TMEM94: variants seen among roughly 807,000 people sequenced by gnomAD.
TMEM94 encodes the protein ER Mg2+ ATPase.
Under a neutral mutation model 158.6 loss-of-function variants are expected in TMEM94, and 81 were observed. The ratio of observed to expected loss-of-function variants is 0.51; its 90% CI spans 0.43 to 0.61. The LOEUF (loss-of-function observed/expected upper bound fraction) is 0.61, where lower values mean the gene tolerates loss of function less well. Among genes scored for constraint, TMEM94 ranks in the 20% least tolerant of loss-of-function variants. TMEM94 has a pLI of 0.00. For synonymous variants in TMEM94, 751 were observed against 730.7 expected, an observed-to-expected ratio of 1.03 and a Z score of -0.45; for missense variants, 1,435 against 1,762.0, an observed-to-expected ratio of 0.81 and a Z score of 3.32.
chr17:75,479,193 C>G (rs886873560), intron 2 of TMEM94, among the ~76,000 whole-genome samples: 1 of 152,140 alleles, frequency 6.6e-6, no homozygotes, highest in African/African-American at 2.4e-5. Context: ...GCAGGCCAGG[C>G]ACGGTGGTTC....
At chr17:75,478,091 C>T (rs1476601075) in intron 2 of TMEM94, among the ~76,000 whole-genome samples, 1 of 118,860 alleles carries the variant, frequency 8.4e-6, no homozygotes, top group African/African-American at 3.2e-5. Context: ...TCTCGGCTCA[C>T]TGCAAGCTCC....
Position 75,488,741 on chromosome 17 carries a change from C to T in TMEM94, c.613-18C>T, listed in dbSNP as rs763840381. 3.7e-6 allele frequency: 6 copies of T among 1,613,648 alleles called. No individual in the cohort carries two copies. Among genetic ancestry groups the T allele is most frequent in the Non-Finnish European group, 1.7e-6 (2 of 1,179,782 alleles). ...GATAGGACCCTCTCGTTCCCACTCT[C>T]CCACTTGCTGCCGGCAGGATGACGA... On this transcript the variant is annotated intron_variant, in intron 6 of 31. Transcript: ENST00000314256.
chr17:75,490,959 G>A lies in TMEM94; in HGVS notation c.1129-90G>A, dbSNP rs941013568. The stretch of plus-strand genomic sequence containing the variant: ...AAGTGCCTCTCCACCCCAACTTCGT[G>A]GTGCTCCCCTGGATTTTCCCCTAGA... On this transcript the variant is annotated intron_variant, in intron 11 of 31. Transcript: ENST00000314256. 8.9e-6 allele frequency: 10 copies of A among 1,123,838 alleles called. 1 individual carries two copies. In the Admixed American group the frequency reaches 1.1e-4, roughly 12 times the overall value. 69.6% of individuals were successfully genotyped at this position (1,123,838 alleles called of 1,614,324 possible).
intron 16 of TMEM94, 118 bp downstream of exon 16, chr17:75,493,220 C>T (rs2052375993): frequency 1.8e-6 from 2 of 1,128,888 alleles, no homozygotes; most frequent in Non-Finnish European, 2.5e-6. Context: ...TAGACTGCTT[C>T]CAAGTGTTCC....
chr17:75,494,118 G>C (rs1166081488), intron 18 of TMEM94, among the ~76,000 whole-genome samples: 1 of 152,214 alleles, frequency 6.6e-6, no homozygotes, highest in Non-Finnish European at 1.5e-5. Flanking sequence ...ATCAGTGGGT[G>C]CTCACTTGGC....
At chr17:75,496,931 T>C in intron 25 of TMEM94, 124 bp downstream of exon 25, 1 of 1,144,480 alleles carries the variant, frequency 8.7e-7, no homozygotes, top group East Asian at 2.4e-5. Flanking sequence ...CCAGAGCCTC[T>C]GTGAAGCCCC....
At chr17:75,496,946 CT>C in intron 25 of TMEM94, 139 bp downstream of exon 25, 2 of 1,059,940 alleles carry the variant, frequency 1.9e-6, no homozygotes, top group South Asian at 1.3e-5. Context: ...AGCCCCTGGG[CT>C]TTTTGAGCTG....
intron 1 of TMEM94, among the ~76,000 whole-genome samples, chr17:75,464,757 G>A (rs551215530): frequency 2.7e-5 from 4 of 149,770 alleles, no homozygotes; most frequent in Admixed American, 6.7e-5. Context: ...TGCCCAGGAT[G>A]GAGTGCGATG....
intron 1 of TMEM94, among the ~76,000 whole-genome samples, chr17:75,465,683 T>TATATATATATATA: frequency 1.6e-5 from 1 of 63,370 alleles, no homozygotes; most frequent in African/African-American, 5.2e-5. Context: ...ATATATATTT[T>TATATATATATATA]TTTTTAATCC....
chr17:75,489,350 T>C lies in TMEM94; in HGVS notation c.849T>C (p.Tyr283=), dbSNP rs775724299. The C allele has an allele frequency of 6.2e-7, 1 of 1,614,194 alleles. No homozygotes were observed. Among genetic ancestry groups the C allele is most frequent in the Non-Finnish European group, 8.5e-7 (1 of 1,180,014 alleles). Residue 283 remains tyrosine (Y), a synonymous_variant, in exon 8 of 32, where the codon TAT becomes TAC. Transcript: ENST00000314256. This position sits in a 1 kb window ranked among gnomAD's most constrained non-coding sequence, Gnocchi z 5.0. ...CAGTGCAGTCGGTGATGCTACACTATGCTGTGCCCGTGGTCCTGGTGCGTG... is the reference window on the plus strand; with the variant it reads ...CAGTGCAGTCGGTGATGCTACACTACGCTGTGCCCGTGGTCCTGGTGCGTG... ...RFTVQSVMLH[Y]AVPVVLAGFL...
intron 5 of TMEM94, among the ~76,000 whole-genome samples, chr17:75,486,638 G>C (rs2051640615): frequency 6.6e-6 from 1 of 152,208 alleles, no homozygotes; most frequent in Admixed American, 6.5e-5. Context: ...CAGAGGGCTG[G>C]GCAGGCAGGA....
chr17:75,476,441 C>A, intron 2 of TMEM94: 2 of 1,256,362 alleles, frequency 1.6e-6, no homozygotes, highest in Non-Finnish European at 2.1e-6. Context: ...TCCCGCCCTT[C>A]CAGGGCTGCT....
intron 1 of TMEM94, among the ~76,000 whole-genome samples, chr17:75,470,920 AAATAATAAT>A (rs34433342): frequency 1.6e-4 from 24 of 146,098 alleles, no homozygotes; most frequent in Non-Finnish European, 2.4e-4. Flanking sequence ...CTCTGTCTCA[AAATAATAAT>A]AATAATAATA....
Position 75,486,015 on chromosome 17 carries a change from T to C in TMEM94, c.272+17T>C, listed in dbSNP as rs779986493. ...AGCCGGGAGGTGTGCGCCCAGGGGC[T>C]GCTCCCCAACCTCTCCAGCTGTGCT... On this transcript the variant is annotated intron_variant, in intron 4 of 31. Transcript: ENST00000314256. The C allele has an allele frequency of 1.5e-5, 22 of 1,510,904 alleles. No individual in the cohort carries two copies. Among genetic ancestry groups the C allele is most frequent in the Non-Finnish European group, 1.9e-5 (22 of 1,131,074 alleles). The allele number at this position is 1,510,904 out of a possible 1,614,324, so 93.6% of individuals were successfully genotyped here. A position where few individuals can be genotyped will look rare whatever the true frequency, so the allele number is the denominator to read the frequency against.
In TMEM94 at chr17:75,495,653, G is replaced by T; in HGVS notation, c.2944+10G>T. On this transcript the variant is annotated intron_variant, in intron 22 of 31. Transcript: ENST00000314256. This position sits in a 1 kb window ranked among gnomAD's most constrained non-coding sequence, Gnocchi z 5.6. ...GACTGCACCCCAGAGAGTGAGTGCTGTGGCCATGGGTACTTGGGCAACCTG... is the reference window on the plus strand; with the variant it reads ...GACTGCACCCCAGAGAGTGAGTGCTTTGGCCATGGGTACTTGGGCAACCTG... 6.2e-6 allele frequency: 10 copies of T among 1,612,486 alleles called. No homozygotes were observed. The highest frequency in any genetic ancestry group is 7.6e-6 in the Non-Finnish European group (9 of 1,179,248).
chr17:75,469,721 C>A (rs1182227591), intron 1 of TMEM94, among the ~76,000 whole-genome samples: 1 of 149,878 alleles, frequency 6.7e-6, no homozygotes. Flanking sequence ...GAAGCCGAGG[C>A]GGGCAGATCA....
chr17:75,470,115 G>A (rs912591545), intron 1 of TMEM94, among the ~76,000 whole-genome samples: 2 of 152,274 alleles, frequency 1.3e-5, no homozygotes, highest in East Asian at 1.9e-4. Context: ...CCTGCATGCT[G>A]TAATTCAGTG....
chr17:75,494,045 A>G (rs1278791799), intron 18 of TMEM94, 129 bp downstream of exon 18: 19 of 839,122 alleles, frequency 2.3e-5, no homozygotes, highest in Non-Finnish European at 3.5e-5. Flanking sequence ...CCACAGCCCC[A>G]GGCTGGGACG....
At position 75,491,329 on chromosome 17, in the gene TMEM94, G is replaced by A. The variant is rs764892133; in HGVS notation, c.1260G>A (p.Gly420=). The A allele has an allele frequency of 1.9e-6, 3 of 1,614,040 alleles. No individual in the cohort carries two copies. Among genetic ancestry groups the A allele is most frequent in the Non-Finnish European group, 2.5e-6 (3 of 1,180,052 alleles). The change falls in exon 13 of 32, where the codon GGG becomes GGA. Residue 420 remains glycine (G), a synonymous_variant. Coordinates refer to ENST00000314256, the MANE Select transcript of TMEM94 (RefSeq NM_014738.6). This position sits in a 1 kb window ranked among gnomAD's most constrained non-coding sequence, Gnocchi z 5.1. ...VTVLCCVDKQ[G]ILSWPNPSPE... ...TCCTGTGCTGTGTGGACAAACAGGG[G>A]ATCCTGTCATGGCCAAATCCCAGCC...
Sources: gnomAD v4.1 joint callset for allele counts (sites outside exome capture counted in the v4.1 genomes callset) on GRCh38, gnomAD v4.1.1 for gene constraint, Gnocchi (gnomAD v3.1) non-coding constraint, MANE v1.5 for transcripts, NCBI Gene and HGNC (gene_info 2026-07-23, HGNC 2026-07-21) for gene names.